Variants in CHD6 observed in about 807,000 individuals in gnomAD.
The protein encoded by CHD6 is ATP-dependent chromatin remodeler CHD6.
CHD6 carries 50 observed loss-of-function variants against 276.9 expected under a neutral mutation model. That is an observed-to-expected ratio of 0.18 (90% confidence interval 0.14 to 0.23). CHD6 has a LOEUF of 0.23. Among genes scored for constraint, CHD6 ranks in the 10% least tolerant of loss-of-function variants. CHD6 has a pLI of 1.00. For missense variants in CHD6, 2,564 were observed against 3,365.8 expected (o/e 0.76, Z 5.89); for synonymous variants, 1,173 against 1,229.3 (o/e 0.95, Z 0.96).
At chr20:41,553,010 A>C (rs1193791141) in intron 1 of CHD6, among the ~76,000 whole-genome samples, 2 of 152,234 alleles carry the variant, frequency 1.3e-5, no homozygotes, top group Admixed American at 6.5e-5. Flanking sequence ...AAGTGCTCTG[A>C]ACCAACGCAG....
At chr20:41,528,317 C>T (rs1420539439) in intron 3 of CHD6, among the ~76,000 whole-genome samples, 1 of 152,090 alleles carries the variant, frequency 6.6e-6, no homozygotes, top group Non-Finnish European at 1.5e-5. Flanking sequence ...CAGCCATGTA[C>T]AGCTATGTAT....
intron 17 of CHD6, among the ~76,000 whole-genome samples, chr20:41,463,235 A>G (rs1422790504): frequency 1.3e-5 from 2 of 152,228 alleles, no homozygotes; most frequent in Non-Finnish European, 2.9e-5. Flanking sequence ...ACTCTTCCTT[A>G]TAGTAGAATG....
intron 5 of CHD6, among the ~76,000 whole-genome samples, chr20:41,507,656 T>C (rs1190625320): frequency 2.6e-5 from 4 of 152,180 alleles, no homozygotes; most frequent in African/African-American, 9.7e-5. Context: ...CTAAATCTGC[T>C]TGCCAGACAC....
intron 15 of CHD6, 89 bp downstream of exon 15, chr20:41,484,262 GA>G: frequency 6.8e-7 from 1 of 1,465,792 alleles, no homozygotes; most frequent in Non-Finnish European, 9.4e-7. Flanking sequence ...AGCATATAAT[GA>G]AAATTCAATA....
intron 16 of CHD6, among the ~76,000 whole-genome samples, chr20:41,481,122 T>A (rs79692421): frequency 0.024 from 3,477 of 144,174 alleles, 128 homozygotes; most frequent in African/African-American, 0.07. Context: ...GAAAAAAAAA[T>A]ATATATATAT....
rs759921421 is a variant in CHD6, at chr20:41,413,419, T to C, written c.7036A>G (p.Ser2346Gly). ...TSAPEPATAA[S>G]SQAEKSIPSK... ...GGAATGGATTTCTCGGCTTGGCTGC[T>C]GGCTGCCGTAGCTGGCTCAGGAGCC... The change falls in exon 35 of 37, where the codon AGC becomes GGC. Residue 2346 changes from serine (S) to glycine (G), a missense_variant. Coordinates refer to ENST00000373233, the MANE Select transcript of CHD6 (RefSeq NM_032221.5). 6.2e-7 allele frequency: 1 copy of C among 1,612,040 alleles called. No homozygotes were observed. Among genetic ancestry groups the C allele is most frequent in the African/African-American group, 1.3e-5 (1 of 74,988 alleles).
Position 41,420,781 on chromosome 20 carries a change from T to C in CHD6, c.5854A>G (p.Asn1952Asp). ...GGTTTCTCGATTTCAAATTCATCATTCTCGAGGCCATGCATCCACCTCTCC... is the reference window on the plus strand; with the variant it reads ...GGTTTCTCGATTTCAAATTCATCATCCTCGAGGCCATGCATCCACCTCTCC... The part of the protein sequence containing the change: ...HMERWMHGLE[N>D]DEFEIEKPKA... Residue 1952 changes from asparagine to aspartate, a missense_variant, in exon 31 of 37, where the codon AAT becomes GAT. By Grantham distance (23) the Asn-to-Asp change is conservative. Coordinates refer to ENST00000373233, the MANE Select transcript of CHD6 (RefSeq NM_032221.5). The C allele has an allele frequency of 3.1e-6, 5 of 1,614,182 alleles. No homozygotes were observed. Among genetic ancestry groups the C allele is most frequent in the Non-Finnish European group, 4.2e-6 (5 of 1,180,034 alleles).
At chr20:41,492,727 A>T (rs1486754030) in intron 10 of CHD6, among the ~76,000 whole-genome samples, 2 of 152,240 alleles carry the variant, frequency 1.3e-5, no homozygotes, top group Non-Finnish European at 2.9e-5. Flanking sequence ...GTTCAAGACG[A>T]GCTTAACATG....
intron 12 of CHD6, among the ~76,000 whole-genome samples, chr20:41,489,370 C>CT (rs2043494531): frequency 7.0e-6 from 1 of 142,808 alleles, no homozygotes; most frequent in Admixed American, 7.1e-5. Context: ...CCTATTTTCT[C>CT]TTTATCCTTC....
At chr20:41,592,296 A>G (rs1057162965) in intron 1 of CHD6, among the ~76,000 whole-genome samples, 1 of 152,212 alleles carries the variant, frequency 6.6e-6, no homozygotes, top group African/African-American at 2.4e-5. Context: ...CACACACAAG[A>G]AAAGTGGGTA....
At chr20:41,453,931 AAC>A (rs2048315836) in intron 20 of CHD6, among the ~76,000 whole-genome samples, 7 of 152,202 alleles carry the variant, frequency 4.6e-5, no homozygotes, top group Admixed American at 4.6e-4. Context: ...GGCTTTGTGG[AAC>A]CATGAGAGTT....
intron 10 of CHD6, 98 bp downstream of exon 10, chr20:41,493,440 G>C (rs1188312266): frequency 6.4e-6 from 8 of 1,246,078 alleles, no homozygotes; most frequent in African/African-American, 4.5e-5. Context: ...AAATACCACA[G>C]AAACCACCTA....
At chr20:41,617,767 C>A (rs2045947834) in intron 1 of CHD6, among the ~76,000 whole-genome samples, 1 of 151,900 alleles carries the variant, frequency 6.6e-6, no homozygotes, top group African/African-American at 2.4e-5. Flanking sequence ...TCCGAGGCCG[C>A]GCAGGGGCCC....
At chr20:41,556,196 G>C (rs2045232756) in intron 1 of CHD6, among the ~76,000 whole-genome samples, 2 of 152,158 alleles carry the variant, frequency 1.3e-5, no homozygotes, top group African/African-American at 4.8e-5. Context: ...AGCCGAGATG[G>C]CAGCAGTACA....
intron 36 of CHD6, among the ~76,000 whole-genome samples, chr20:41,409,934 G>A (rs2046793558): frequency 1.3e-5 from 2 of 152,116 alleles, no homozygotes; most frequent in South Asian, 4.1e-4. Context: ...TTAAGTATAT[G>A]TGTGTGTATA....
chr20:41,514,377 C>T (rs1371894820), intron 4 of CHD6, among the ~76,000 whole-genome samples: 1 of 152,136 alleles, frequency 6.6e-6, no homozygotes, highest in Non-Finnish European at 1.5e-5. Flanking sequence ...CAAGTTTGGC[C>T]AAACCTTCCT....
At chr20:41,542,939 C>A (rs2044972758) in intron 2 of CHD6, among the ~76,000 whole-genome samples, 1 of 151,562 alleles carries the variant, frequency 6.6e-6, no homozygotes, top group South Asian at 2.1e-4. Context: ...CCCATCTCTA[C>A]TAAAAATTCA....
Position 41,405,258 on chromosome 20 carries a change from G to A in CHD6, c.7483C>T (p.Leu2495=), listed in dbSNP as rs778314587. The A allele has an allele frequency of 2.5e-6, 4 of 1,614,198 alleles. No individual in the cohort carries two copies. The highest frequency in any genetic ancestry group is 3.4e-6 in the Non-Finnish European group (4 of 1,180,036). ...GCAAAGCCAGCTGGAAACCCCACCA[G>A]CCCGGTGAGGGGGATGCCTGGCATA... is the stretch of plus-strand genomic sequence containing the variant. The part of the protein sequence containing the change: ...RNMPGIPLTG[L]VGFPAGFATM... Residue 2495 remains leucine (L), a synonymous_variant, in exon 37 of 37, where the codon CTG becomes TTG. Coordinates refer to ENST00000373233, the MANE Select transcript of CHD6 (RefSeq NM_032221.5).
intron 1 of CHD6, among the ~76,000 whole-genome samples, chr20:41,555,970 C>A (rs945326897): frequency 1.3e-5 from 2 of 152,264 alleles, no homozygotes; most frequent in African/African-American, 4.8e-5. Context: ...CCATTGAGCA[C>A]TGAGTGAGCC....
Sources: gnomAD v4.1 joint callset for allele counts (sites outside exome capture counted in the v4.1 genomes callset) on GRCh38, gnomAD v4.1.1 for gene constraint, MANE v1.5 for transcripts, NCBI Gene and HGNC (gene_info 2026-07-23, HGNC 2026-07-21) for gene names.